NUFIP1: variants seen among roughly 807,000 people sequenced by gnomAD.
NUFIP1 encodes the protein FMR1-interacting protein NUFIP1.
In NUFIP1, 38 loss-of-function variants were observed where a neutral mutation model predicts 56.2. The ratio of observed to expected loss-of-function variants is 0.68; its 90% confidence interval spans 0.52 to 0.89. The LOEUF is 0.89. NUFIP1 is among the 40% of genes least tolerant of loss of function. NUFIP1 has a pLI of 0.00. For synonymous variants in NUFIP1, 215 were observed against 212.4 expected, an observed-to-expected ratio of 1.01 and a Z score of -0.10; for missense variants, 567 against 605.8, an observed-to-expected ratio of 0.94 and a Z score of 0.67.
intron 7 of NUFIP1, among the ~76,000 whole-genome samples, chr13:44,956,814 C>A (rs181603484): frequency 9.5e-4 from 144 of 152,246 alleles, no homozygotes; most frequent in Admixed American, 2.2e-3. Flanking sequence ...CCCGCTCCCC[C>A]CTGGGGTTCC....
In NUFIP1 at chr13:44,982,079, TTC is replaced by T. The variant is rs1462109170; in HGVS notation, c.486_487del (p.Lys165GlufsTer12). ...AGAACATCTTTCAAATACCTTTTTT[TTC>T]TGTTTTCTACTGGGAGGTAAGCTGA... On this transcript the variant is annotated frameshift_variant, in exon 2 of 10. Transcript: ENST00000379161. LOFTEE classifies it high-confidence loss of function. The T allele has an allele frequency of 6.7e-7, 1 of 1,491,104 alleles. No homozygotes were observed. Among genetic ancestry groups the T allele is most frequent in the Middle Eastern group, 1.8e-4 (1 of 5,576 alleles). The allele number at this position is 1,491,104 out of a possible 1,614,324, so 92.4% of individuals were successfully genotyped here. A position where few individuals can be genotyped will look rare whatever the true frequency, so the allele number is the denominator to read the frequency against.
At chr13:44,988,848 C>T (rs990035603) in intron 1 of NUFIP1, among the ~76,000 whole-genome samples, 177 bp downstream of exon 1, 1 of 152,108 alleles carries the variant, frequency 6.6e-6, no homozygotes, top group African/African-American at 2.4e-5. Flanking sequence ...TGCCACCATG[C>T]CTGGCTAATT....
intron 9 of NUFIP1, 99 bp from the exon 10 acceptor site, chr13:44,941,421 G>T: frequency 1.6e-6 from 1 of 643,242 alleles, no homozygotes; most frequent in South Asian, 2.2e-5. Flanking sequence ...AAAGAAGACA[G>T]AACAATAAGA....
chr13:44,956,161 AAGAATCTC>A (rs1464636567), intron 7 of NUFIP1, among the ~76,000 whole-genome samples: 4 of 151,540 alleles, frequency 2.6e-5, no homozygotes, highest in Admixed American at 2.6e-4. Context: ...AAAAAAAAAA[AAGAATCTC>A]ATATTTTAAG....
At chr13:44,963,955 T>C (rs867297065) in intron 6 of NUFIP1, among the ~76,000 whole-genome samples, 9 of 152,234 alleles carry the variant, frequency 5.9e-5, no homozygotes, top group Non-Finnish European at 1.3e-4. Context: ...AACATCTATT[T>C]GGTCTGACAT....
intron 5 of NUFIP1, among the ~76,000 whole-genome samples, chr13:44,976,509 AATAG>A (rs1036232302): frequency 2.0e-5 from 3 of 152,106 alleles, no homozygotes; most frequent in African/African-American, 4.8e-5. Flanking sequence ...AGAAACAACC[AATAG>A]ATAGAAAAGA....
intron 5 of NUFIP1, among the ~76,000 whole-genome samples, chr13:44,976,302 AAGGAGAAGAAAGGAGG>A (rs1039931548): frequency 3.3e-5 from 5 of 151,962 alleles, no homozygotes; most frequent in African/African-American, 9.6e-5. Context: ...AAGGAAGGAG[AAGGAGAAGAAAGGAGG>A]AGGAGAAGAA....
rs1212134485 is a variant in NUFIP1 at position 44,939,839 on chromosome 13, T to C, written c.*1367A>G. 1 of 151,752 alleles carries C rather than the reference T, an allele frequency of 6.6e-6. No homozygotes were observed. The highest frequency in any genetic ancestry group is 1.5e-5 in the Non-Finnish European group (1 of 67,966). 9.4% of individuals were successfully genotyped at this position (151,752 alleles called of 1,614,324 possible). A position where few individuals can be genotyped will look rare whatever the true frequency, so the allele number is the denominator to read the frequency against. On this transcript the variant is annotated 3_prime_UTR_variant, in exon 10 of 10. Coordinates refer to ENST00000379161, the MANE Select transcript of NUFIP1 (RefSeq NM_012345.3). ...ACATCCCTGGAGATATGGTCATCAATGAAAGTAGTCCAGGAGTCCATGAAT... is the reference window on the plus strand; with the variant it reads ...ACATCCCTGGAGATATGGTCATCAACGAAAGTAGTCCAGGAGTCCATGAAT...
At position 44,941,215 on chromosome 13, in the gene NUFIP1, T is replaced by C. The variant is rs758013104; in HGVS notation, c.1479A>G (p.Lys493=). The C allele has an allele frequency of 1.3e-6, 2 of 1,570,316 alleles. No homozygotes were observed. Among genetic ancestry groups the C allele is most frequent in the African/African-American group, 1.4e-5 (1 of 73,786 alleles). The part of the protein sequence containing the change: ...FGLDTNSAKS[K]DV ...CTGAAACACCAGATGCCTATACATC[T>C]TTACTTTTCGCAGAATTAGTATCCA... Residue 493 remains lysine, a synonymous_variant, in exon 10 of 10, where the codon AAA becomes AAG. Transcript: ENST00000379161.
Position 44,983,514 on chromosome 13 carries a change from G to C in NUFIP1, c.413-1360C>G, listed in dbSNP as rs545236601. 4.6e-5 allele frequency among the ~76,000 whole-genome samples: 7 copies of C among 152,224 alleles called. No homozygotes were observed. In the East Asian group the frequency reaches 1.2e-3, roughly 25 times the overall value. On this transcript the variant is annotated intron_variant, in intron 1 of 9. Coordinates refer to ENST00000379161, the MANE Select transcript of NUFIP1 (RefSeq NM_012345.3). ...TAAAAAAAAAAAAAAAGTTGAGGGA[G>C]GGGCTGGCATGATGGCTCACATCTA...
chr13:44,985,019 T>C (rs1247781320), intron 1 of NUFIP1, among the ~76,000 whole-genome samples: 1 of 152,206 alleles, frequency 6.6e-6, no homozygotes, highest in African/African-American at 2.4e-5. Context: ...TTCATCCATG[T>C]CCCTACAAAG....
intron 8 of NUFIP1, among the ~76,000 whole-genome samples, chr13:44,948,106 T>C (rs531289108): frequency 1.3e-5 from 2 of 151,654 alleles, no homozygotes; most frequent in East Asian, 3.9e-4. Flanking sequence ...CTAGTCAACA[T>C]TAAAAGTGCT....
rs913508261 is a variant in NUFIP1, at chr13:44,959,209, G to A, written c.1021+172C>T. On this transcript the variant is annotated intron_variant, in intron 7 of 9. Transcript: ENST00000379161. Reference sequence around the variant, plus strand: ...TGCCCACCCAAGACTCAGAAAAGATGTTCTGAAATGACGTTTTAAACAAGA... The same window carrying A: ...TGCCCACCCAAGACTCAGAAAAGATATTCTGAAATGACGTTTTAAACAAGA... Among the ~76,000 whole-genome samples, 6 of 152,222 alleles carry A rather than the reference G, an allele frequency of 3.9e-5. No individual in the cohort carries two copies. The East Asian group carries it at 1.2e-3, about 29-fold the overall frequency.
chr13:44,982,195 T>C, intron 1 of NUFIP1, 41 bp from the exon 2 acceptor site: 2 of 957,244 alleles, frequency 2.1e-6, no homozygotes, highest in Middle Eastern at 3.3e-4. Flanking sequence ...AACAATGTAA[T>C]TATTTAAATT....
chr13:44,970,771 T>G (rs1415335141), intron 5 of NUFIP1, among the ~76,000 whole-genome samples: 2 of 152,080 alleles, frequency 1.3e-5, no homozygotes, highest in African/African-American at 2.4e-5. Flanking sequence ...GCCTTCTGGG[T>G]TCAAGCAATT....
At chr13:44,983,340 T>G (rs1220692137) in intron 1 of NUFIP1, among the ~76,000 whole-genome samples, 1 of 152,020 alleles carries the variant, frequency 6.6e-6, no homozygotes, top group Non-Finnish European at 1.5e-5. Flanking sequence ...CATGCTCAGG[T>G]AATTTTCGTA....
intron 8 of NUFIP1, among the ~76,000 whole-genome samples, chr13:44,943,919 A>T (rs1870831951): frequency 6.6e-6 from 1 of 152,208 alleles, no homozygotes; most frequent in African/African-American, 2.4e-5. Context: ...GATCTCTATG[A>T]AAGAAATAAT....
chr13:44,972,671 T>G (rs1234115370), intron 5 of NUFIP1, among the ~76,000 whole-genome samples: 1 of 152,196 alleles, frequency 6.6e-6, no homozygotes. Flanking sequence ...GAGGGAGGCC[T>G]CTTATAGGAA....
Position 44,949,837 on chromosome 13 carries a change from C to T in NUFIP1, c.1023G>A (p.Glu341=). ...GTTGTGGTTTCTCCTCCTTATCAGACTCTGAAGGGAAAAGAAGTCAGATTC... is the reference window on the plus strand; with the variant it reads ...GTTGTGGTTTCTCCTCCTTATCAGATTCTGAAGGGAAAAGAAGTCAGATTC... ...PLGVLINSDS[E]SDKEEKPQHS... is the part of the protein sequence containing the mutation. Residue 341 remains glutamate (E), a splice_region_variant and synonymous_variant, in exon 8 of 10, where the codon GAG becomes GAA. Coordinates refer to ENST00000379161, the MANE Select transcript of NUFIP1 (RefSeq NM_012345.3). 2 of 1,605,662 alleles carry T rather than the reference C, an allele frequency of 1.2e-6. No individual in the cohort carries two copies. Among genetic ancestry groups the T allele is most frequent in the Non-Finnish European group, 1.7e-6 (2 of 1,172,316 alleles).
Sources: allele counts gnomAD v4.1 joint callset (sites outside exome capture counted in the v4.1 genomes callset), GRCh38; gene constraint gnomAD v4.1.1; transcripts MANE v1.5; gene names NCBI Gene and HGNC (gene_info 2026-07-23, HGNC 2026-07-21).